The following PLXNB3 variants were observed in gnomAD, a reference collection of about 807,000 sequenced individuals.
The protein encoded by PLXNB3 is plexin-B3.
PLXNB3 carries 80 observed loss-of-function variants against 125.7 expected under a neutral mutation model. That is an observed-to-expected ratio of 0.64 (90% CI 0.53 to 0.77). The LOEUF is 0.77. Among genes scored for constraint, PLXNB3 ranks in the 30% least tolerant of loss-of-function variants. PLXNB3 has a pLI of 0.00. For synonymous variants in PLXNB3, 954 were observed against 783.3 expected (o/e 1.22, Z -3.64); for missense variants, 1,836 against 1,729.3 (o/e 1.06, Z -1.09).
chrX:153,774,377 G>A (rs1557063214), intron 21 of PLXNB3, 33 bp downstream of exon 21: 7 of 1,157,010 alleles, frequency 6.1e-6, no homozygotes, highest in South Asian at 1.9e-5. Flanking sequence ...CAGGTGGACC[G>A]GGTGCCGCCA....
In PLXNB3 at chrX:153,773,940, C is replaced by T. The variant is rs1251959687; in HGVS notation, c.3361C>T (p.Arg1121Trp). 3.3e-6 allele frequency: 4 copies of T among 1,209,927 alleles called. No homozygotes were observed. Among genetic ancestry groups the T allele is most frequent in the Non-Finnish European group, 4.5e-6 (4 of 895,048 alleles). The change falls in exon 20 of 36, where the codon CGG (arginine) becomes TGG (tryptophan). Residue 1121 changes from arginine to tryptophan, a missense_variant. Arg to Trp is a moderately radical substitution (Grantham distance 101, BLOSUM62 -3). Coordinates refer to ENST00000361971, the MANE Select transcript of PLXNB3 (RefSeq NM_005393.3). ...TGTACCAGACAGAGCCCACCCGCAGCGGGTCTTCTTCACCCTAGACAACGT... is the reference window on the plus strand; with the variant it reads ...TGTACCAGACAGAGCCCACCCGCAGTGGGTCTTCTTCACCCTAGACAACGT... Reference protein sequence around the residue: ...PAVPDRAHPQRVFFTLDNVQV... With the variant: ...PAVPDRAHPQWVFFTLDNVQV...
chrX:153,768,033 C>T, intron 3 of PLXNB3, 120 bp downstream of exon 3: 1 of 804,693 alleles, frequency 1.2e-6, no homozygotes, highest in Non-Finnish European at 1.7e-6. Flanking sequence ...TCAGCTGAGT[C>T]TCCAGGTCTC....
Position 153,770,860 on chromosome X carries a change from G to C in PLXNB3, c.2113G>C (p.Val705Leu), listed in dbSNP as rs782548925. ...CTGGGAGAGCCATTTGGCCCTACGC[G>C]TGCGGAACCTTCAACATTTCCGAGT... The part of the protein sequence containing the change: ...VGWESHLALR[V>L]RNLQHFRGLP... Residue 705 changes from valine (V) to leucine (L), a missense_variant, in exon 11 of 36, where the codon GTG (valine) becomes CTG (leucine). Coordinates refer to ENST00000361971, the MANE Select transcript of PLXNB3 (RefSeq NM_005393.3). 3 of 1,206,911 alleles carry C rather than the reference G, an allele frequency of 2.5e-6. No individual in the cohort carries two copies. Among genetic ancestry groups the C allele is most frequent in the Admixed American group, 2.2e-5 (1 of 45,943 alleles).
chrX:153,771,887 T>G lies in PLXNB3; in HGVS notation c.2541T>G (p.Pro847=). 1 of 1,209,202 alleles carries G rather than the reference T, an allele frequency of 8.3e-7. No homozygotes were observed. ...AGGTCGAGCCCCTGACCGGTCCCCCTGAGGGAGGCTTGGCCCTCACCATCC... is the reference window on the plus strand; with the variant it reads ...AGGTCGAGCCCCTGACCGGTCCCCCGGAGGGAGGCTTGGCCCTCACCATCC... ...IDAVEPLTGP[P]EGGLALTILG... Residue 847 remains proline, a synonymous_variant, in exon 15 of 36, where the codon CCT becomes CCG. Transcript: ENST00000361971.
rs1557063203 is a variant in PLXNB3, at chrX:153,774,358, C to T, written c.3678+14C>T. On this transcript the variant is annotated intron_variant, in intron 21 of 35. Coordinates refer to ENST00000361971, the MANE Select transcript of PLXNB3 (RefSeq NM_005393.3). ...CCACAGTTCGTGGTGAGTCCGTGCC[C>T]TGGGTGGGCAGGTGGACCGGGTGCC... is the stretch of plus-strand genomic sequence containing the variant. The T allele has an allele frequency of 8.7e-7, 1 of 1,155,830 alleles. No individual in the cohort carries two copies. The highest frequency in any genetic ancestry group is 1.2e-6 in the Non-Finnish European group (1 of 867,626).
Position 153,774,727 on chromosome X carries a change from G to A in PLXNB3, c.3852G>A (p.Leu1284=), listed in dbSNP as rs1557063393. 14 of 1,178,117 alleles carry A rather than the reference G, an allele frequency of 1.2e-5. No individual in the cohort carries two copies. The highest frequency in any genetic ancestry group is 1.5e-5 in the Non-Finnish European group (13 of 877,884). ...LMYRHKSKQA[L]RDYQKVLVQL... is the part of the protein sequence containing the mutation. ...GCAGGCACAAGAGCAAGCAGGCCCT[G>A]CGGGACTACCAGAAGGTGCTAGTGC... is the stretch of plus-strand genomic sequence containing the variant. Residue 1284 remains leucine (L), a synonymous_variant, in exon 23 of 36, where the codon CTG becomes CTA. Transcript: ENST00000361971.
intron 11 of PLXNB3, 30 bp downstream of exon 11, chrX:153,770,913 C>T (rs936313653): frequency 7.5e-6 from 9 of 1,203,936 alleles, no homozygotes; most frequent in African/African-American, 1.7e-5. Context: ...GGGGACAGGG[C>T]AGTGAGGTCT....
chrX:153,770,156 G>T lies in PLXNB3; in HGVS notation c.1694G>T (p.Gly565Val). ...GATGAATACTTCCATTGTGCGTTCG[G>T]GGACTATGACAGCTTGGCTCATGTG... ...DADEYFHCAF[G>V]DYDSLAHVEG... is the part of the protein sequence containing the mutation. The change falls in exon 8 of 36, where the codon GGG becomes GTG. Residue 565 changes from glycine (G) to valine (V), a missense_variant. Transcript: ENST00000361971. The T allele has an allele frequency of 8.3e-7, 1 of 1,211,271 alleles. No homozygotes were observed. Among genetic ancestry groups the T allele is most frequent in the Non-Finnish European group, 1.1e-6 (1 of 895,368 alleles).
In PLXNB3 at chrX:153,770,181, G is replaced by C. The variant is rs1292548854; in HGVS notation, c.1719G>C (p.Val573=). 2.5e-6 allele frequency: 3 copies of C among 1,210,111 alleles called. No homozygotes were observed. Among genetic ancestry groups the C allele is most frequent in the Non-Finnish European group, 2.2e-6 (2 of 895,309 alleles). The change falls in exon 8 of 36, where the codon GTG becomes GTC. Residue 573 remains valine (V), a synonymous_variant. Transcript: ENST00000361971. ...GGGACTATGACAGCTTGGCTCATGTGGAAGGGCCCCACGTGGCCTGTGTCA... is the reference window on the plus strand; with the variant it reads ...GGGACTATGACAGCTTGGCTCATGTCGAAGGGCCCCACGTGGCCTGTGTCA... ...AFGDYDSLAH[V]EGPHVACVTP...
chrX:153,773,728 A>G lies in PLXNB3; in HGVS notation c.3279+15A>G. The G allele has an allele frequency of 8.6e-7, 1 of 1,166,228 alleles. No individual in the cohort carries two copies. The highest frequency in any genetic ancestry group is 1.1e-6 in the Non-Finnish European group (1 of 873,367). On this transcript the variant is annotated intron_variant, in intron 19 of 35. Coordinates refer to ENST00000361971, the MANE Select transcript of PLXNB3 (RefSeq NM_005393.3). ...GGCTGCTGCAGGTGAGCCCCTCACCAGCAGGCGACAAGGCTGTCCCCGACC... is the reference window on the plus strand; with the variant it reads ...GGCTGCTGCAGGTGAGCCCCTCACCGGCAGGCGACAAGGCTGTCCCCGACC...
In PLXNB3 at chrX:153,765,568, G is replaced by A. The variant is rs2091848157; in HGVS notation, c.33G>A (p.Leu11=). ...ACGCCGCCCAGGAGACCCCTCTGCT[G>A]CACCACTTCATGGTAAGTGCCCAGG... The part of the protein sequence containing the change: MCHAAQETPL[L]HHFMAPVMAR... The change falls in exon 2 of 36, where the codon CTG becomes CTA. Residue 11 remains leucine, a synonymous_variant. Transcript: ENST00000361971. The A allele has an allele frequency of 1.7e-6, 2 of 1,196,163 alleles. No individual in the cohort carries two copies. Among genetic ancestry groups the A allele is most frequent in the South Asian group, 1.8e-5 (1 of 54,491 alleles).
intron 12 of PLXNB3, 66 bp from the exon 13 acceptor site, chrX:153,771,244 C>T (rs1557061739): frequency 1.0e-6 from 1 of 990,054 alleles, no homozygotes; most frequent in Admixed American, 2.2e-5. Context: ...GGGGGTGGCC[C>T]AGAGGAGACA....
In PLXNB3 at chrX:153,775,423, C is replaced by T. The variant is rs201178878; in HGVS notation, c.4334+20C>T. 1.2e-4 allele frequency: 145 copies of T among 1,197,258 alleles called. No individual in the cohort carries two copies. Among genetic ancestry groups the T allele is most frequent in the Middle Eastern group, 2.3e-4 (1 of 4,291 alleles). On this transcript the variant is annotated intron_variant, in intron 25 of 35. Transcript: ENST00000361971. ...ACGCAGGTTGGCCTTGACCTGGACC[C>T]GGTGGCGGGGGTGAGGGCTTGCCAC...
chrX:153,773,704 G>T lies in PLXNB3; in HGVS notation c.3270G>T (p.Gly1090=). ...DPQACIQLGG[G]LLQCSTVCSV... is the part of the protein sequence containing the mutation. The stretch of plus-strand genomic sequence containing the variant: ...AGGCTTGTATCCAGCTCGGTGGGGG[G>T]CTGCTGCAGGTGAGCCCCTCACCAG... Residue 1090 remains glycine (G), a synonymous_variant, in exon 19 of 36, where the codon GGG becomes GGT. Coordinates refer to ENST00000361971, the MANE Select transcript of PLXNB3 (RefSeq NM_005393.3). The T allele has an allele frequency of 8.6e-7, 1 of 1,162,974 alleles. No homozygotes were observed. The highest frequency in any genetic ancestry group is 1.1e-6 in the Non-Finnish European group (1 of 872,128).
chrX:153,771,049 G>T lies in PLXNB3; in HGVS notation c.2221G>T (p.Asp741Tyr). The change falls in exon 12 of 36, where the codon GAT becomes TAT. Residue 741 changes from aspartate to tyrosine, a missense_variant. Coordinates refer to ENST00000361971, the MANE Select transcript of PLXNB3 (RefSeq NM_005393.3). ...LPATLEETAG[D>Y]SGLIHCQAHQ... The stretch of plus-strand genomic sequence containing the variant: ...GGCCACCCTGGAGGAGACAGCAGGG[G>T]ATTCAGGCCTCATCCACTGCCAGGC... 5 of 1,209,188 alleles carry T rather than the reference G, an allele frequency of 4.1e-6. No individual in the cohort carries two copies. The highest frequency in any genetic ancestry group is 1.8e-5 in the South Asian group (1 of 56,987).
intron 17 of PLXNB3, 107 bp downstream of exon 17, chrX:153,773,123 C>T: frequency 9.2e-7 from 1 of 1,082,671 alleles, no homozygotes. Context: ...GTGGTCCCTG[C>T]CCTTGTCAAG....
chrX:153,778,390 C>G lies in PLXNB3; in HGVS notation c.5475-6C>G, dbSNP rs782232142. The G allele has an allele frequency of 3.3e-6, 4 of 1,211,519 alleles. No individual in the cohort carries two copies. The South Asian group carries it at 7.0e-5, about 21-fold the overall frequency. On this transcript the variant is annotated splice_region_variant and splice_polypyrimidine_tract_variant and intron_variant, in intron 33 of 35. Transcript: ENST00000361971. ...GCCCCACCCCTAACGAAGTCTGCTC[C>G]TCCAGGTACTATGCGGACATTCGCC...
In PLXNB3 at chrX:153,778,469, G is replaced by C. The variant is rs1329168360; in HGVS notation, c.5548G>C (p.Gly1850Arg). ...EMNSALAELS[G>R]NYTSAPHCLE... is the part of the protein sequence containing the mutation. ...GAACTCTGCTTTGGCTGAGCTCTCC[G>C]GGGTGAGGCATGGCCCGGGGGGTGC... The change falls in exon 34 of 36, where the codon GGG becomes CGG. Residue 1850 changes from glycine (G) to arginine (R), a missense_variant and splice_region_variant. Transcript: ENST00000361971. The C allele has an allele frequency of 5.0e-6, 6 of 1,208,276 alleles. No homozygotes were observed. The Admixed American group carries it at 6.5e-5, about 13-fold the overall frequency.
chrX:153,774,574 G>A lies in PLXNB3; in HGVS notation c.3830+3G>A, dbSNP rs781940942. 4 of 1,190,643 alleles carry A rather than the reference G, an allele frequency of 3.4e-6. No homozygotes were observed. Among genetic ancestry groups the A allele is most frequent in the South Asian group, 1.9e-5 (1 of 53,703 alleles). ...CTCCTCCTCACCCTCATGTACAGGTGAGACCCGCCCACCCCCAGCACACTT... is the reference window on the plus strand; with the variant it reads ...CTCCTCCTCACCCTCATGTACAGGTAAGACCCGCCCACCCCCAGCACACTT... On this transcript the variant is annotated splice_donor_region_variant and intron_variant, in intron 22 of 35. Transcript: ENST00000361971.
Sources: gnomAD v4.1 joint callset for allele counts on GRCh38, gnomAD v4.1.1 for gene constraint, MANE v1.5 for transcripts, NCBI Gene and HGNC (gene_info 2026-07-23, HGNC 2026-07-21) for gene names.